Variants in SLC24A2 observed in about 807,000 individuals in gnomAD.
SLC24A2 encodes the protein solute carrier family 24 member 2.
In SLC24A2, 36 loss-of-function variants were observed where a neutral mutation model predicts 62.0. The observed-to-expected ratio is 0.58, with a 90% CI of 0.44 to 0.77. The LOEUF is 0.77. SLC24A2 is among the 30% of genes least tolerant of loss of function. SLC24A2 has a pLI of 0.00. For synonymous variants in SLC24A2, 358 were observed against 294.0 expected, an observed-to-expected ratio of 1.22 and a Z score of -2.23; for missense variants, 846 against 817.9, an observed-to-expected ratio of 1.03 and a Z score of -0.42.
the SLC24A2 span, among the ~76,000 whole-genome samples, chr9:19,954,597 T>C: frequency 1.3e-5 from 2 of 152,110 alleles, no homozygotes; most frequent in African/African-American, 4.8e-5. Context: ...ATTTTTTTTT[T>C]TTAAATCTAG....
the SLC24A2 span, among the ~76,000 whole-genome samples, chr9:20,077,711 C>G: frequency 6.6e-6 from 1 of 152,196 alleles, no homozygotes; most frequent in African/African-American, 2.4e-5. Context: ...GAAGAAGAAA[C>G]CTCTATTTAC....
chr9:20,102,799 T>A, the SLC24A2 span, among the ~76,000 whole-genome samples: 8 of 152,046 alleles, frequency 5.3e-5, no homozygotes, highest in Non-Finnish European at 8.8e-5. Context: ...TGCATTTCCA[T>A]CTCAGGTACT....
chr9:20,077,416 A>G, the SLC24A2 span, among the ~76,000 whole-genome samples: 1 of 152,186 alleles, frequency 6.6e-6, no homozygotes, highest in African/African-American at 2.4e-5. Context: ...AATATACATA[A>G]TACAATTTAT....
intron 2 of SLC24A2, among the ~76,000 whole-genome samples, chr9:19,667,715 T>A (rs1299248774): frequency 6.6e-6 from 1 of 152,150 alleles, no homozygotes; most frequent in African/African-American, 2.4e-5. Flanking sequence ...ATCAGAATGA[T>A]CTCTTCCTCC....
At chr9:19,536,112 G>C (rs1833958736) in intron 8 of SLC24A2, among the ~76,000 whole-genome samples, 1 of 149,034 alleles carries the variant, frequency 6.7e-6, no homozygotes, top group East Asian at 2.0e-4. Context: ...AGTTGTGAAT[G>C]AGAGTTCACT....
the SLC24A2 span, among the ~76,000 whole-genome samples, chr9:20,043,325 T>C: frequency 6.6e-6 from 1 of 152,256 alleles, no homozygotes; most frequent in Admixed American, 6.5e-5. Flanking sequence ...TCTTGCCTGC[T>C]AACACAACAC....
intron 8 of SLC24A2, among the ~76,000 whole-genome samples, chr9:19,543,324 TTA>T (rs1225020645): frequency 3.3e-5 from 5 of 152,186 alleles, no homozygotes; most frequent in Admixed American, 1.3e-4. Flanking sequence ...TCTCTTTTCT[TTA>T]TTAGTCTGGC....
intron 9 of SLC24A2, among the ~76,000 whole-genome samples, chr9:19,522,556 A>C (rs189420968): frequency 1.3e-4 from 20 of 152,316 alleles, no homozygotes; most frequent in African/African-American, 4.8e-4. Context: ...GCTTAAAAGC[A>C]TATTTTTGTT....
At chr9:20,302,089 T>C in the SLC24A2 span, among the ~76,000 whole-genome samples, 1 of 152,250 alleles carries the variant, frequency 6.6e-6, no homozygotes, top group Non-Finnish European at 1.5e-5. Context: ...TAACGCTGAA[T>C]AATATTCCAT....
chr9:20,300,430 T>C, the SLC24A2 span, among the ~76,000 whole-genome samples: 1 of 152,220 alleles, frequency 6.6e-6, no homozygotes, highest in Non-Finnish European at 1.5e-5. Context: ...GGAACTATTG[T>C]GAGAAACTAC....
At chr9:19,762,318 T>A (rs1822361671) in intron 2 of SLC24A2, among the ~76,000 whole-genome samples, 1 of 152,186 alleles carries the variant, frequency 6.6e-6, no homozygotes, top group African/African-American at 2.4e-5. Flanking sequence ...GTTAATTAGA[T>A]CCCATTTGTC....
At chr9:20,235,513 C>T in the SLC24A2 span, among the ~76,000 whole-genome samples, 3 of 152,204 alleles carry the variant, frequency 2.0e-5, no homozygotes, top group Admixed American at 6.5e-5. Context: ...ACTCTGTGGG[C>T]GTAGGACCCT....
the SLC24A2 span, among the ~76,000 whole-genome samples, chr9:20,152,075 CA>C: frequency 2.0e-5 from 3 of 151,874 alleles, no homozygotes; most frequent in Admixed American, 6.6e-5. Flanking sequence ...GCTAAGCACT[CA>C]GCAAATATTA....
chr9:20,303,671 C>T, the SLC24A2 span, among the ~76,000 whole-genome samples: 1 of 152,224 alleles, frequency 6.6e-6, no homozygotes, highest in Non-Finnish European at 1.5e-5. Context: ...ATTATTACCT[C>T]CTTCAAGAGT....
chr9:20,271,260 T>TC, the SLC24A2 span, among the ~76,000 whole-genome samples: 1 of 152,118 alleles, frequency 6.6e-6, no homozygotes, highest in African/African-American at 2.4e-5. Flanking sequence ...CATTAAACTG[T>TC]CCCCCATATA....
chr9:19,997,818 G>A, the SLC24A2 span, among the ~76,000 whole-genome samples: 1 of 152,268 alleles, frequency 6.6e-6, no homozygotes, highest in African/African-American at 2.4e-5. Flanking sequence ...TGGATAAATA[G>A]TTAATTTGCC....
the SLC24A2 span, among the ~76,000 whole-genome samples, chr9:19,963,187 C>T: frequency 1.2e-4 from 16 of 133,602 alleles, no homozygotes; most frequent in African/African-American, 4.0e-4. Context: ...GAAACTGGAT[C>T]CCTTCCTTAC....
the SLC24A2 span, among the ~76,000 whole-genome samples, chr9:19,865,720 T>C: frequency 1.3e-5 from 2 of 152,170 alleles, no homozygotes; most frequent in Non-Finnish European, 2.9e-5. Flanking sequence ...TAGACTTAAA[T>C]CTAAGACCAC....
chr9:19,999,384 T>C, the SLC24A2 span, among the ~76,000 whole-genome samples: 1 of 152,344 alleles, frequency 6.6e-6, no homozygotes, highest in African/African-American at 2.4e-5. Flanking sequence ...TTAAAAAGTA[T>C]ACAGTAATTA....
Sources: allele counts gnomAD v4.1 joint callset (sites outside exome capture counted in the v4.1 genomes callset), GRCh38; gene constraint gnomAD v4.1.1; transcripts MANE v1.5; gene names NCBI Gene and HGNC (gene_info 2026-07-23, HGNC 2026-07-21).